FBLN5: variants seen among roughly 807,000 people sequenced by gnomAD.
The protein encoded by FBLN5 is fibulin-5.
Under a neutral mutation model 61.6 loss-of-function variants are expected in FBLN5, and 24 were observed. The observed-to-expected ratio is 0.39, with a 90% CI of 0.28 to 0.55. The LOEUF is 0.55. Ranked by LOEUF, FBLN5 falls within the 20% of genes least tolerant of loss-of-function variation. The pLI, the probability that FBLN5 is intolerant of heterozygous loss-of-function variation, is 0.65. For missense variants in FBLN5, 470 were observed against 594.1 expected, an observed-to-expected ratio of 0.79 and a Z score of 2.17; for synonymous variants, 213 against 219.8, an observed-to-expected ratio of 0.97 and a Z score of 0.27.
At chr14:91,927,388 G>A (rs998799163) in intron 4 of FBLN5, among the ~76,000 whole-genome samples, 1 of 152,218 alleles carries the variant, frequency 6.6e-6, no homozygotes, top group African/African-American at 2.4e-5. Context: ...AAACAGATAA[G>A]AGCCGCGGAG....
At chr14:91,877,431 G>A (rs1889219551) in intron 10 of FBLN5, 56 bp downstream of exon 10, 1 of 1,398,240 alleles carries the variant, frequency 7.2e-7, no homozygotes, top group Admixed American at 1.7e-5. Context: ...GTTCCTAGGA[G>A]AGACAGCACA....
At chr14:91,875,700 G>C (rs1015097310) in intron 10 of FBLN5, among the ~76,000 whole-genome samples, 2 of 152,214 alleles carry the variant, frequency 1.3e-5, no homozygotes, top group African/African-American at 4.8e-5. Context: ...GGAGGAGCCA[G>C]GGCCAGCACT....
intron 4 of FBLN5, among the ~76,000 whole-genome samples, chr14:91,914,954 G>A (rs555044234): frequency 2.0e-5 from 3 of 151,878 alleles, no homozygotes; most frequent in Admixed American, 1.3e-4. Flanking sequence ...GAGGTCAGGA[G>A]TTTAAGACCA....
intron 4 of FBLN5, among the ~76,000 whole-genome samples, chr14:91,918,063 T>C (rs1566819401): frequency 1.3e-5 from 2 of 152,092 alleles, no homozygotes; most frequent in South Asian, 2.1e-4. Context: ...CATGAACCAG[T>C]TGGGAGTGTC....
chr14:91,933,139 G>A (rs2055955205), intron 4 of FBLN5, among the ~76,000 whole-genome samples: 1 of 152,228 alleles, frequency 6.6e-6, no homozygotes, highest in Admixed American at 6.5e-5. Context: ...CTGGCCATTT[G>A]TGATGAAATT....
chr14:91,878,522 T>C (rs1889277650), intron 9 of FBLN5, among the ~76,000 whole-genome samples: 1 of 152,158 alleles, frequency 6.6e-6, no homozygotes, highest in Admixed American at 6.5e-5. Flanking sequence ...CGCGCGGTGG[T>C]GGCCAACGCT....
chr14:91,887,324 C>G lies in FBLN5; in HGVS notation c.620-12G>C, dbSNP rs1281235803. On this transcript the variant is annotated splice_polypyrimidine_tract_variant and intron_variant, in intron 6 of 10. Transcript: ENST00000342058. ...ACACTCGTTCACATCTGTGGAAAGC[C>G]AAGGCACATTGCTGACTGTCCTCCC... 1.2e-6 allele frequency: 2 copies of G among 1,612,002 alleles called. No homozygotes were observed. Among genetic ancestry groups the G allele is most frequent in the Non-Finnish European group, 1.7e-6 (2 of 1,179,764 alleles).
chr14:91,879,755 T>C (rs965562819), intron 9 of FBLN5, among the ~76,000 whole-genome samples: 1 of 152,232 alleles, frequency 6.6e-6, no homozygotes, highest in African/African-American at 2.4e-5. Context: ...TGTCCCGGCA[T>C]TATCCTCTCT....
intron 4 of FBLN5, among the ~76,000 whole-genome samples, chr14:91,929,116 C>CCA (rs926656977): frequency 1.4e-5 from 2 of 145,936 alleles, no homozygotes; most frequent in Non-Finnish European, 3.0e-5. Flanking sequence ...CACACACACC[C>CCA]CACACACACA....
chr14:91,889,325 C>T (rs1036695306), intron 6 of FBLN5, among the ~76,000 whole-genome samples: 2 of 152,220 alleles, frequency 1.3e-5, no homozygotes, highest in African/African-American at 4.8e-5. Context: ...ACCCCCTCAC[C>T]GCTCTCAGCT....
intron 4 of FBLN5, among the ~76,000 whole-genome samples, chr14:91,904,254 A>T (rs1424196764): frequency 6.6e-6 from 1 of 152,102 alleles, no homozygotes; most frequent in Non-Finnish European, 1.5e-5. Context: ...TGACTCTAAG[A>T]CTCTTCCGAA....
At chr14:91,887,445 C>G (rs1889780002) in intron 6 of FBLN5, 133 bp from the exon 7 acceptor site, 1 of 922,340 alleles carries the variant, frequency 1.1e-6, no homozygotes, top group South Asian at 1.3e-5. Context: ...GCTCTCCACC[C>G]AGGACCTTTG....
chr14:91,890,397 G>A (rs926853716), intron 6 of FBLN5, among the ~76,000 whole-genome samples: 12 of 152,218 alleles, frequency 7.9e-5, no homozygotes, highest in South Asian at 4.1e-4. Flanking sequence ...CTCATTCTGC[G>A]TCTGCAGCAC....
chr14:91,875,180 G>A (rs1357063841), intron 10 of FBLN5, among the ~76,000 whole-genome samples: 1 of 152,020 alleles, frequency 6.6e-6, no homozygotes, highest in Non-Finnish European at 1.5e-5. Flanking sequence ...CAATCAAGAG[G>A]GGTTTTCAAA....
intron 7 of FBLN5, among the ~76,000 whole-genome samples, chr14:91,884,547 A>G (rs541285575): frequency 7.9e-5 from 12 of 152,370 alleles, no homozygotes; most frequent in Non-Finnish European, 1.8e-4. Flanking sequence ...ATCACTCTCC[A>G]TATTTTACAG....
chr14:91,873,338 C>A (rs1889026160), intron 10 of FBLN5, among the ~76,000 whole-genome samples: 1 of 152,182 alleles, frequency 6.6e-6, no homozygotes, highest in Admixed American at 6.5e-5. Context: ...CTTTCCTACA[C>A]CTCTTAATTA....
At chr14:91,923,411 A>G (rs926718399) in intron 4 of FBLN5, among the ~76,000 whole-genome samples, 1 of 152,184 alleles carries the variant, frequency 6.6e-6, no homozygotes, top group Non-Finnish European at 1.5e-5. Context: ...TGCCCTGCCC[A>G]CAACATGTGT....
At chr14:91,911,411 C>T (rs186864353) in intron 4 of FBLN5, among the ~76,000 whole-genome samples, 78 of 152,316 alleles carry the variant, frequency 5.1e-4, no homozygotes, top group African/African-American at 1.4e-3. Context: ...GAGAATCACA[C>T]ATAACTAAAG....
At chr14:91,894,845 G>C in intron 5 of FBLN5, 105 bp downstream of exon 5, 2 of 207,310 alleles carry the variant, frequency 9.6e-6, no homozygotes, top group Non-Finnish European at 1.9e-5. Context: ...CCCTAGCAAA[G>C]AAAAGCTTAC....
Sources: gnomAD v4.1 joint callset for allele counts (sites outside exome capture counted in the v4.1 genomes callset) on GRCh38, gnomAD v4.1.1 for gene constraint, MANE v1.5 for transcripts, NCBI Gene and HGNC (gene_info 2026-07-23, HGNC 2026-07-21) for gene names.